PDE11A: variants seen among roughly 807,000 people sequenced by gnomAD.
The protein encoded by PDE11A is dual 3',5'-cyclic-AMP and -GMP phosphodiesterase 11A.
PDE11A carries 100 observed loss-of-function variants against 100.5 expected under a neutral mutation model. The ratio of observed to expected loss-of-function variants is 1.00; its 90% confidence interval spans 0.85 to 1.18. The LOEUF (loss-of-function observed/expected upper bound fraction) is 1.18, where lower values mean the gene tolerates loss of function less well. PDE11A is among the 50% of genes most tolerant of loss of function. The pLI is 0.00. For synonymous variants in PDE11A, 381 were observed against 420.8 expected, an observed-to-expected ratio of 0.91 and a Z score of 1.16; for missense variants, 1,141 against 1,152.6, an observed-to-expected ratio of 0.99 and a Z score of 0.15.
chr2:177,903,881 G>A (rs910990648), intron 3 of PDE11A, among the ~76,000 whole-genome samples: 5 of 152,216 alleles, frequency 3.3e-5, no homozygotes, highest in African/African-American at 1.2e-4. Flanking sequence ...TGGAGTTCCA[G>A]ATGAAAGCAG....
intron 2 of PDE11A, among the ~76,000 whole-genome samples, chr2:178,098,060 T>C (rs2087517306): frequency 6.6e-6 from 1 of 151,900 alleles, no homozygotes; most frequent in Non-Finnish European, 1.5e-5. Flanking sequence ...GGGGAAAAAA[T>C]AAAATAAAAA....
chr2:177,694,948 C>T (rs1179356161), intron 15 of PDE11A, among the ~76,000 whole-genome samples: 1 of 151,976 alleles, frequency 6.6e-6, no homozygotes, highest in Non-Finnish European at 1.5e-5. Flanking sequence ...AGAATTCTAA[C>T]AACAGTTTTT....
chr2:177,886,251 T>C (rs943603835), intron 4 of PDE11A, among the ~76,000 whole-genome samples: 6 of 152,226 alleles, frequency 3.9e-5, no homozygotes, highest in Non-Finnish European at 7.3e-5. Context: ...GAGCAATCTT[T>C]CCTTCTTCCC....
intron 13 of PDE11A, among the ~76,000 whole-genome samples, chr2:177,701,587 C>G (rs900294401): frequency 1.3e-5 from 2 of 152,112 alleles, no homozygotes; most frequent in African/African-American, 2.4e-5. Context: ...CAGGTCCAAT[C>G]GAAGTGCTAT....
intron 13 of PDE11A, among the ~76,000 whole-genome samples, chr2:177,708,769 C>T (rs1245362110): frequency 1.3e-5 from 2 of 152,172 alleles, no homozygotes; most frequent in African/African-American, 2.4e-5. Context: ...ATTCACCAAA[C>T]ATTTATTGTT....
chr2:177,919,418 T>C (rs1180862607), intron 2 of PDE11A, among the ~76,000 whole-genome samples: 1 of 152,114 alleles, frequency 6.6e-6, no homozygotes, highest in Non-Finnish European at 1.5e-5. Flanking sequence ...TATCTATACA[T>C]ACCTGTATAT....
At chr2:177,835,417 T>C (rs548188861) in intron 6 of PDE11A, among the ~76,000 whole-genome samples, 1 of 152,318 alleles carries the variant, frequency 6.6e-6, no homozygotes, top group African/African-American at 2.4e-5. Context: ...TACTACAGGA[T>C]ACTCCCCTCG....
At chr2:177,997,500 T>C in intron 2 of PDE11A, 2 of 806,106 alleles carry the variant, frequency 2.5e-6, no homozygotes, top group South Asian at 2.7e-5. Context: ...ATTAAAACAT[T>C]GATATTGTTT....
chr2:177,834,871 A>G (rs2083368470), intron 6 of PDE11A, among the ~76,000 whole-genome samples: 1 of 151,678 alleles, frequency 6.6e-6, no homozygotes, highest in Non-Finnish European at 1.5e-5. Context: ...TTTGGAAGGC[A>G]TCTTGTTAGG....
At chr2:177,928,994 G>A (rs1386319514) in intron 2 of PDE11A, among the ~76,000 whole-genome samples, 1 of 151,970 alleles carries the variant, frequency 6.6e-6, no homozygotes, top group Admixed American at 6.5e-5. Flanking sequence ...CTTTTAGGTC[G>A]ACATGGGGGG....
chr2:177,752,042 A>C (rs1238659223), intron 10 of PDE11A, among the ~76,000 whole-genome samples: 1 of 152,178 alleles, frequency 6.6e-6, no homozygotes, highest in Non-Finnish European at 1.5e-5. Flanking sequence ...CAGATGAGCC[A>C]GTTCCCCACC....
At chr2:177,655,510 T>C (rs73977695) in intron 19 of PDE11A, among the ~76,000 whole-genome samples, 1 of 152,148 alleles carries the variant, frequency 6.6e-6, no homozygotes, top group Non-Finnish European at 1.5e-5. Flanking sequence ...AACTTCTTCC[T>C]GCCCAGCACG....
In PDE11A at chr2:178,072,078, CTCTT is replaced by C. The variant is rs2087140488; in HGVS notation, c.356_359del (p.Lys119SerfsTer2). On this transcript the variant is annotated frameshift_variant, in exon 1 of 20. Transcript: ENST00000286063. LOFTEE classifies it high-confidence loss of function. ...TGGAGCGGGCAAAACTCTTCCTTAG[CTCTT>C]TCTGAGAAGCTCTCCGCTGCAGGTT... The C allele has an allele frequency of 2.5e-6, 4 of 1,614,160 alleles. No individual in the cohort carries two copies. Among genetic ancestry groups the C allele is most frequent in the South Asian group, 1.1e-5 (1 of 91,080 alleles).
At chr2:178,019,673 A>G (rs901535016) in intron 1 of PDE11A, among the ~76,000 whole-genome samples, 2 of 152,218 alleles carry the variant, frequency 1.3e-5, no homozygotes, top group Non-Finnish European at 2.9e-5. Flanking sequence ...AGGTATGAGG[A>G]TAGTCTGGGT....
intron 16 of PDE11A, 93 bp from the exon 17 acceptor site, chr2:177,675,611 T>C: frequency 3.2e-6 from 3 of 941,666 alleles, no homozygotes; most frequent in South Asian, 2.8e-5. Flanking sequence ...TAAAATAAAA[T>C]GGAAACGAGG....
chr2:177,929,165 C>T (rs545800121), intron 2 of PDE11A, among the ~76,000 whole-genome samples: 1 of 152,316 alleles, frequency 6.6e-6, no homozygotes, highest in East Asian at 1.9e-4. Flanking sequence ...ATCTCCTAAT[C>T]TCCTCCCTCC....
intron 1 of PDE11A, among the ~76,000 whole-genome samples, chr2:178,041,915 A>G (rs1341411101): frequency 1.3e-5 from 2 of 152,260 alleles, no homozygotes; most frequent in African/African-American, 4.8e-5. Context: ...AATTTCTGAT[A>G]AGGCCCATAT....
chr2:177,638,847 T>TC, intron 19 of PDE11A, among the ~76,000 whole-genome samples: 1 of 152,338 alleles, frequency 6.6e-6, no homozygotes, highest in South Asian at 2.1e-4. Flanking sequence ...TGGACTATTT[T>TC]CCCCAGGCTG....
intron 4 of PDE11A, among the ~76,000 whole-genome samples, chr2:177,877,258 G>A (rs1032653511): frequency 5.6e-5 from 8 of 144,142 alleles, no homozygotes; most frequent in Admixed American, 4.1e-4. Flanking sequence ...TCCGCCTCCC[G>A]GGTTCAAGTA....
Sources: allele counts gnomAD v4.1 joint callset (sites outside exome capture counted in the v4.1 genomes callset), GRCh38; gene constraint gnomAD v4.1.1; transcripts MANE v1.5; gene names NCBI Gene and HGNC (gene_info 2026-07-23, HGNC 2026-07-21).